TRIM2: variants seen among roughly 807,000 people sequenced by gnomAD.
The protein encoded by TRIM2 is tripartite motif-containing protein 2.
A neutral mutation model predicts 75.2 loss-of-function variants in TRIM2; 20 were observed. That is an observed-to-expected ratio of 0.27 (90% CI 0.19 to 0.39). The LOEUF is 0.39. TRIM2 is among the 10% of genes least tolerant of loss of function. The pLI is 1.00. For missense variants in TRIM2, 660 were observed against 990.8 expected, an observed-to-expected ratio of 0.67 and a Z score of 4.48; for synonymous variants, 373 against 388.3, an observed-to-expected ratio of 0.96 and a Z score of 0.46.
chr4:153,173,708 C>G (rs1731115155), intron 1 of TRIM2, among the ~76,000 whole-genome samples: 1 of 151,884 alleles, frequency 6.6e-6, no homozygotes, highest in Non-Finnish European at 1.5e-5. Flanking sequence ...TGGCTCACAC[C>G]TGCAATCCCT....
chr4:153,187,442 G>C (rs1163205541), intron 1 of TRIM2, among the ~76,000 whole-genome samples: 2 of 152,224 alleles, frequency 1.3e-5, no homozygotes, highest in Non-Finnish European at 2.9e-5. Context: ...AGAGGGAAGA[G>C]GTGCTTCCTT....
chr4:153,205,921 A>G (rs79903133), intron 1 of TRIM2, among the ~76,000 whole-genome samples: 7,625 of 152,280 alleles, frequency 0.05, 574 homozygotes, highest in African/African-American at 0.17. Flanking sequence ...GCGGTCCTAG[A>G]GCCCTGGAGA....
chr4:153,325,498 G>C (rs1769974028), intron 10 of TRIM2, among the ~76,000 whole-genome samples: 1 of 152,216 alleles, frequency 6.6e-6, no homozygotes, highest in African/African-American at 2.4e-5. Flanking sequence ...GACGGAAGTA[G>C]AGAGCAAAGA....
At position 153,337,019 on chromosome 4, in the gene TRIM2, G is replaced by C. The variant is rs1170228194; in HGVS notation, c.*2053G>C. On this transcript the variant is annotated 3_prime_UTR_variant, in exon 12 of 12. Transcript: ENST00000338700. Reference sequence around the variant, plus strand: ...GTACCAAGTACTCTTTTAGGCACTGGAAATACAGTGATGGACAAAACAGGT... The same window carrying C: ...GTACCAAGTACTCTTTTAGGCACTGCAAATACAGTGATGGACAAAACAGGT... The C allele has an allele frequency of 7.1e-6, 7 of 980,450 alleles. No individual in the cohort carries two copies. Among genetic ancestry groups the C allele is most frequent in the Non-Finnish European group, 8.5e-6 (7 of 825,582 alleles). The allele number at this position is 980,450 out of a possible 1,614,324, so 60.7% of individuals were successfully genotyped here.
At chr4:153,273,270 C>CA (rs1757187818) in intron 2 of TRIM2, among the ~76,000 whole-genome samples, 3 of 57,390 alleles carry the variant, frequency 5.2e-5, no homozygotes, top group African/African-American at 2.1e-4. Context: ...TACAGTCACT[C>CA]TTTTTTTTTT....
At chr4:153,153,453 G>GAC (rs1728917565) in intron 1 of TRIM2, among the ~76,000 whole-genome samples, 1 of 152,148 alleles carries the variant, frequency 6.6e-6, no homozygotes, top group Admixed American at 6.5e-5. Context: ...GCGAGGAGGC[G>GAC]ACAGCCCGGA....
chr4:153,315,368 T>C, intron 6 of TRIM2, 117 bp from the exon 7 acceptor site: 3 of 765,832 alleles, frequency 3.9e-6, no homozygotes, highest in Non-Finnish European at 6.1e-6. Flanking sequence ...TTTTTTAAAG[T>C]ATATTTAAAA....
chr4:153,314,419 C>CAAAAAAA (rs58410286), intron 6 of TRIM2, among the ~76,000 whole-genome samples: 3 of 58,882 alleles, frequency 5.1e-5, no homozygotes, highest in African/African-American at 6.6e-5. Context: ...GACTCCGTCT[C>CAAAAAAA]AAAAAAAAAA....
chr4:153,220,881 A>T (rs1252561543), intron 1 of TRIM2, among the ~76,000 whole-genome samples: 1 of 152,190 alleles, frequency 6.6e-6, no homozygotes, highest in Non-Finnish European at 1.5e-5. Flanking sequence ...ACCCTCATAC[A>T]TTACTTGTGG....
chr4:153,297,183 G>A (rs1762941598), intron 6 of TRIM2, among the ~76,000 whole-genome samples: 3 of 152,188 alleles, frequency 2.0e-5, no homozygotes, highest in Admixed American at 2.0e-4. Context: ...GCTTCAGGCT[G>A]AATCTTCGCA....
chr4:153,244,394 TTCTTCTTCTTCTTCTTCTTC>T lies in TRIM2; in HGVS notation c.31-25939_31-25920del, dbSNP rs1560874906. On this transcript the variant is annotated intron_variant, in intron 1 of 11. Coordinates refer to ENST00000338700, the MANE Select transcript of TRIM2 (RefSeq NM_015271.5). ...CTTCTTCTTCTTCTTCTTCTTCTTC[TTCTTCTTCTTCTTCTTCTTC>T]TTCTTCTTCTTCTTCTTCTTCTTTT... Among the ~76,000 whole-genome samples the T allele has an allele frequency of 1.3e-3, 109 of 81,830 alleles. 19 individuals carry two copies. Among genetic ancestry groups the T allele is most frequent in the African/African-American group, 8.3e-3 (106 of 12,732 alleles). 53.7% of individuals were successfully genotyped at this position (81,830 alleles called of 152,430 possible). A position where few individuals can be genotyped will look rare whatever the true frequency, so the allele number is the denominator to read the frequency against.
intron 1 of TRIM2, among the ~76,000 whole-genome samples, chr4:153,255,307 C>T (rs1262216979): frequency 6.6e-6 from 1 of 152,214 alleles, no homozygotes; most frequent in East Asian, 1.9e-4. Context: ...AGCAACAAGA[C>T]CAAAGATCTC....
At chr4:153,247,244 G>A (rs62323708) in intron 1 of TRIM2, among the ~76,000 whole-genome samples, 1 of 152,290 alleles carries the variant, frequency 6.6e-6, no homozygotes, top group African/African-American at 2.4e-5. Context: ...ACTGGCCTGG[G>A]ACTAGAGTTA....
chr4:153,314,282 T>C (rs1767070855), intron 6 of TRIM2, among the ~76,000 whole-genome samples: 1 of 144,886 alleles, frequency 6.9e-6, no homozygotes, highest in Non-Finnish European at 1.5e-5. Flanking sequence ...TAGCCGGGCG[T>C]AGTGGCGGGC....
Position 153,307,210 on chromosome 4 carries a change from G to A in TRIM2, c.1511-8275G>A, listed in dbSNP as rs78931966. Among the ~76,000 whole-genome samples, 534 of 152,284 alleles carry A rather than the reference G, an allele frequency of 3.5e-3. 2 individuals carry two copies. The highest frequency in any genetic ancestry group is 5.0e-3 in the Non-Finnish European group (338 of 68,012). ...TTTGCTGACTAGAAACCATGAGCTGGTTTTATTAGCTATTATACTAAAAAG... is the reference window on the plus strand; with the variant it reads ...TTTGCTGACTAGAAACCATGAGCTGATTTTATTAGCTATTATACTAAAAAG... On this transcript the variant is annotated intron_variant, in intron 6 of 11. Transcript: ENST00000338700.
intron 6 of TRIM2, among the ~76,000 whole-genome samples, chr4:153,312,450 GA>G (rs1244211722): frequency 6.6e-6 from 1 of 151,932 alleles, no homozygotes; most frequent in Non-Finnish European, 1.5e-5. Flanking sequence ...AAAAACACAT[GA>G]AAAAATGCTC....
chr4:153,272,306 G>A (rs529315202), intron 2 of TRIM2, among the ~76,000 whole-genome samples: 6 of 151,842 alleles, frequency 4.0e-5, no homozygotes, highest in Non-Finnish European at 8.8e-5. Flanking sequence ...CTGCCACCAC[G>A]CCCAGCTAAT....
At chr4:153,321,448 C>G (rs1768961249) in intron 8 of TRIM2, among the ~76,000 whole-genome samples, 2 of 152,118 alleles carry the variant, frequency 1.3e-5, no homozygotes, top group Admixed American at 1.3e-4. Flanking sequence ...CATTTAAATA[C>G]ACACCACAGT....
At chr4:153,163,104 C>CA (rs1729905393) in intron 1 of TRIM2, among the ~76,000 whole-genome samples, 2 of 152,322 alleles carry the variant, frequency 1.3e-5, no homozygotes, top group South Asian at 4.1e-4. Flanking sequence ...TGATTTAATG[C>CA]AACTCAGTGG....
Sources: allele counts gnomAD v4.1 joint callset (sites outside exome capture counted in the v4.1 genomes callset), GRCh38; gene constraint gnomAD v4.1.1; transcripts MANE v1.5; gene names NCBI Gene and HGNC (gene_info 2026-07-23, HGNC 2026-07-21).